IMMP2L: variants seen among roughly 807,000 people sequenced by gnomAD.
IMMP2L encodes mitochondrial inner membrane protease subunit 2.
A neutral mutation model predicts 19.3 loss-of-function variants in IMMP2L; 18 were observed. The observed-to-expected ratio is 0.93, with a 90% confidence interval of 0.64 to 1.38. IMMP2L has a LOEUF of 1.38. IMMP2L is among the 40% of genes most tolerant of loss of function. The pLI is 0.00. For missense variants in IMMP2L, 233 were observed against 218.2 expected (o/e 1.07, Z -0.43); for synonymous variants, 76 against 73.0 (o/e 1.04, Z -0.21).
chr7:111,489,105 A>G (rs1366882762), intron 2 of IMMP2L, among the ~76,000 whole-genome samples: 1 of 134,606 alleles, frequency 7.4e-6, no homozygotes, highest in Non-Finnish European at 1.5e-5. Context: ...GTGCAGTGGC[A>G]TCATCTCCGC....
intron 4 of IMMP2L, among the ~76,000 whole-genome samples, chr7:110,914,244 A>G (rs2129548945): frequency 6.6e-6 from 1 of 152,226 alleles, no homozygotes; most frequent in South Asian, 2.1e-4. Flanking sequence ...CACTCGTTTA[A>G]AATTTCCATT....
At chr7:111,465,888 C>T (rs1245576860) in intron 3 of IMMP2L, among the ~76,000 whole-genome samples, 14 of 152,142 alleles carry the variant, frequency 9.2e-5, no homozygotes, top group Non-Finnish European at 7.4e-5. Context: ...ATGTTTATTG[C>T]GGCACTATTC....
chr7:111,299,234 T>C (rs1821954242), intron 3 of IMMP2L, among the ~76,000 whole-genome samples: 1 of 152,080 alleles, frequency 6.6e-6, no homozygotes, highest in Non-Finnish European at 1.5e-5. Flanking sequence ...TGTTCATAAG[T>C]AGGATATTAT....
At chr7:111,424,414 G>A in intron 3 of IMMP2L, among the ~76,000 whole-genome samples, 1 of 151,634 alleles carries the variant, frequency 6.6e-6, no homozygotes, top group East Asian at 1.9e-4. Context: ...AAAGAGAGAG[G>A]CTAGAGACTA....
chr7:110,962,825 T>C lies in IMMP2L; in HGVS notation c.305+675A>G, dbSNP rs1365538298. ...GGGTCAGAAAACTTCCTCAATGTAG[T>C]AGTCAAAGCATTTTGGCTACCACAT... On this transcript the variant is annotated intron_variant, in intron 4 of 5. Transcript: ENST00000405709. The C allele has an allele frequency of 3.3e-6, 4 of 1,225,138 alleles. No individual in the cohort carries two copies. The African/African-American group carries it at 4.7e-5, about 14-fold the overall frequency. The allele number at this position is 1,225,138 out of a possible 1,614,324, so 75.9% of individuals were successfully genotyped here.
At chr7:110,695,699 G>A (rs1010961997) in intron 5 of IMMP2L, among the ~76,000 whole-genome samples, 12 of 152,166 alleles carry the variant, frequency 7.9e-5, no homozygotes, top group African/African-American at 2.9e-4. Flanking sequence ...AAACCTCAGG[G>A]CAGCAGCATA....
intron 3 of IMMP2L, among the ~76,000 whole-genome samples, chr7:111,075,274 G>GCACAAC (rs1242871959): frequency 6.6e-6 from 1 of 151,742 alleles, no homozygotes; most frequent in Non-Finnish European, 1.5e-5. Flanking sequence ...CCACAGGCAT[G>GCACAAC]CACAACCATG....
chr7:111,388,768 C>CG (rs879782754), intron 3 of IMMP2L, among the ~76,000 whole-genome samples: 3 of 151,952 alleles, frequency 2.0e-5, no homozygotes, highest in Admixed American at 2.0e-4. Context: ...CAGGAAAGAC[C>CG]GGCCCCCATG....
intron 5 of IMMP2L, among the ~76,000 whole-genome samples, chr7:110,874,793 T>C (rs191544582): frequency 6.6e-6 from 1 of 152,040 alleles, no homozygotes; most frequent in Non-Finnish European, 1.5e-5. Context: ...TAATTTATAA[T>C]AAAAAATATA....
chr7:111,177,770 T>C (rs1807239900), intron 3 of IMMP2L, among the ~76,000 whole-genome samples: 1 of 152,012 alleles, frequency 6.6e-6, no homozygotes, highest in Non-Finnish European at 1.5e-5. Flanking sequence ...ATGTGACATT[T>C]CTTTTATTCA....
At chr7:111,273,805 CAT>C (rs1339878912) in intron 3 of IMMP2L, among the ~76,000 whole-genome samples, 1 of 151,926 alleles carries the variant, frequency 6.6e-6, no homozygotes, top group African/African-American at 2.4e-5. Context: ...TTGGCTGGAG[CAT>C]AGTGGCATAA....
At chr7:110,905,391 C>T (rs983900671) in intron 4 of IMMP2L, among the ~76,000 whole-genome samples, 9 of 151,814 alleles carry the variant, frequency 5.9e-5, no homozygotes, top group African/African-American at 2.2e-4. Flanking sequence ...TGTCTTATCC[C>T]CATTAAAGAA....
intron 3 of IMMP2L, among the ~76,000 whole-genome samples, chr7:111,009,853 C>A (rs541601875): frequency 6.6e-6 from 1 of 152,212 alleles, no homozygotes; most frequent in South Asian, 2.1e-4. Flanking sequence ...AACAAAAGCA[C>A]TGAAGAGAAA....
intron 3 of IMMP2L, among the ~76,000 whole-genome samples, chr7:111,010,756 T>C (rs573540736): frequency 1.3e-5 from 2 of 152,068 alleles, no homozygotes; most frequent in African/African-American, 2.4e-5. Context: ...CTGAAGCTCA[T>C]GCTAGTGTGA....
chr7:111,124,993 A>C, intron 3 of IMMP2L: 1 of 905,212 alleles, frequency 1.1e-6, no homozygotes, highest in Non-Finnish European at 1.6e-6. Context: ...AAACAAACAA[A>C]CAAAAAAGTA....
intron 3 of IMMP2L, among the ~76,000 whole-genome samples, chr7:111,180,518 C>G (rs1326193249): frequency 6.6e-6 from 1 of 151,984 alleles, no homozygotes; most frequent in Non-Finnish European, 1.5e-5. Flanking sequence ...AATCACAGAT[C>G]ACTACAACAT....
chr7:110,882,294 T>TTCCC (rs1298412313), intron 5 of IMMP2L, among the ~76,000 whole-genome samples: 17 of 86,814 alleles, frequency 2.0e-4, no homozygotes, highest in African/African-American at 6.7e-4. Context: ...AGTGCCTTCC[T>TTCCC]TCCTTCCTTC....
At chr7:111,342,090 C>T (rs1747717872) in intron 3 of IMMP2L, among the ~76,000 whole-genome samples, 1 of 151,986 alleles carries the variant, frequency 6.6e-6, no homozygotes, top group South Asian at 2.1e-4. Context: ...TAAGAAAGAA[C>T]TTTAAGTAAC....
chr7:111,479,313 C>A (rs563499567), intron 3 of IMMP2L, among the ~76,000 whole-genome samples: 1 of 151,812 alleles, frequency 6.6e-6, no homozygotes, highest in East Asian at 1.9e-4. Flanking sequence ...TGCTCCAATG[C>A]CTTTAGATAT....
Sources: allele counts gnomAD v4.1 joint callset (sites outside exome capture counted in the v4.1 genomes callset), GRCh38; gene constraint gnomAD v4.1.1; transcripts MANE v1.5; gene names NCBI Gene and HGNC (gene_info 2026-07-23, HGNC 2026-07-21).